DMD: variants seen among roughly 807,000 people sequenced by gnomAD.
DMD encodes the protein mutant dystrophin.
A neutral mutation model predicts 330.1 loss-of-function variants in DMD; 63 were observed. That is an observed-to-expected ratio of 0.19 (90% CI 0.16 to 0.24). The LOEUF is 0.24. Among genes scored for constraint, DMD ranks in the 10% least tolerant of loss-of-function variants. The pLI, the probability that DMD is intolerant of heterozygous loss-of-function variation, is 1.00. For missense variants in DMD, 3,344 were observed against 2,684.1 expected, an observed-to-expected ratio of 1.25 and a Z score of -5.43; for synonymous variants, 1,223 against 959.8, an observed-to-expected ratio of 1.27 and a Z score of -5.07.
intron 27 of DMD, among the ~76,000 whole-genome samples, chrX:32,442,775 C>A (rs767034410): frequency 9.1e-6 from 1 of 110,458 alleles, no homozygotes; most frequent in East Asian, 2.8e-4. Flanking sequence ...GAAAAATATA[C>A]CGTCATCTTT....
intron 13 of DMD, among the ~76,000 whole-genome samples, chrX:32,585,985 G>A (rs752689834): frequency 5.4e-5 from 6 of 110,404 alleles, no homozygotes; most frequent in Admixed American, 3.9e-4. Context: ...TTGAAATCTA[G>A]CGTTAACTGT....
intron 60 of DMD, among the ~76,000 whole-genome samples, chrX:31,392,706 T>C (rs2060735763): frequency 8.9e-6 from 1 of 112,410 alleles, no homozygotes; most frequent in South Asian, 3.7e-4. Context: ...CTGTACGTAA[T>C]AAAGCTCTAA....
At chrX:31,441,885 G>T (rs1363427358) in intron 60 of DMD, among the ~76,000 whole-genome samples, 1 of 112,098 alleles carries the variant, frequency 8.9e-6, no homozygotes, top group Non-Finnish European at 1.9e-5. Flanking sequence ...AGAAAAGAAT[G>T]GAACTAACTT....
At chrX:31,869,404 ATTTT>A (rs34962396) in intron 48 of DMD, among the ~76,000 whole-genome samples, 2 of 83,147 alleles carry the variant, frequency 2.4e-5, no homozygotes, top group Admixed American at 1.4e-4. Flanking sequence ...AAACGACATG[ATTTT>A]TTTTTTTTTT....
At chrX:31,452,488 C>G (rs892773789) in intron 59 of DMD, among the ~76,000 whole-genome samples, 12 of 110,473 alleles carry the variant, frequency 1.1e-4, no homozygotes, top group African/African-American at 4.0e-4. Flanking sequence ...GAGGCTGAGG[C>G]AGGAGAATTG....
chrX:31,717,024 T>C lies in DMD; in HGVS notation c.7660+12607A>G, dbSNP rs757370394. 2.7e-4 allele frequency among the ~76,000 whole-genome samples: 30 copies of C among 111,129 alleles called. No homozygotes were observed. In the South Asian group the frequency reaches 5.0e-3, roughly 19 times the overall value. ...GCTATCTGTGTGATCTTATGCAAAA[T>C]ATTAATATCTTTGATAGTTGGTTCT... On this transcript the variant is annotated intron_variant, in intron 52 of 78. Transcript: ENST00000357033.
chrX:31,454,873 C>T (rs1221808674), intron 59 of DMD, among the ~76,000 whole-genome samples: 1 of 110,407 alleles, frequency 9.1e-6, no homozygotes, highest in African/African-American at 3.3e-5. Flanking sequence ...CTGCTTCAGC[C>T]TCCCAAGTTA....
chrX:32,257,391 G>T (rs756368290), intron 43 of DMD, among the ~76,000 whole-genome samples: 1 of 111,423 alleles, frequency 9.0e-6, no homozygotes, highest in Non-Finnish European at 1.9e-5. Flanking sequence ...AAAGCTGGAG[G>T]CATCATGCTA....
intron 2 of DMD, among the ~76,000 whole-genome samples, chrX:33,003,818 T>C (rs923084671): frequency 7.1e-5 from 8 of 112,490 alleles, no homozygotes; most frequent in African/African-American, 2.6e-4. Flanking sequence ...ATGCACATAT[T>C]ATATAGTGAG....
intron 44 of DMD, among the ~76,000 whole-genome samples, chrX:31,982,180 CT>C (rs201066069): frequency 0.031 from 3,459 of 110,729 alleles, 61 homozygotes; most frequent in Non-Finnish European, 0.048. Flanking sequence ...AAAACCACTT[CT>C]TTTTTTTTCC....
At chrX:31,597,211 A>G (rs1193098417) in intron 55 of DMD, among the ~76,000 whole-genome samples, 1 of 112,185 alleles carries the variant, frequency 8.9e-6, no homozygotes, top group Non-Finnish European at 1.9e-5. Flanking sequence ...AAATAAACAA[A>G]TATATAAATT....
Position 31,204,914 on chromosome X carries a change from G to A in DMD, c.9650-796C>T, listed in dbSNP as rs142487050. ...TGGGATTACAGGTGTGAGCTACTGC[G>A]CCTGGCTGCGTATTTCTAATTAATA... is the stretch of plus-strand genomic sequence containing the variant. On this transcript the variant is annotated intron_variant, in intron 66 of 78. Coordinates refer to ENST00000357033, the MANE Select transcript of DMD (RefSeq NM_004006.3). 3.2e-4 allele frequency among the ~76,000 whole-genome samples: 36 copies of A among 111,856 alleles called. No homozygotes were observed. The East Asian group carries it at 9.5e-3, about 29-fold the overall frequency.
rs766597855 is a variant in DMD at position 32,809,549 on chromosome X, T to C, written c.593A>G (p.His198Arg). The C allele has an allele frequency of 1.7e-6, 2 of 1,211,401 alleles. No homozygotes were observed. Among genetic ancestry groups the C allele is most frequent in the Non-Finnish European group, 2.2e-6 (2 of 895,397 alleles). The change falls in exon 7 of 79, where the codon CAT becomes CGT. Residue 198 changes from histidine to arginine, a missense_variant. His to Arg is a conservative substitution (Grantham distance 29). Coordinates refer to ENST00000357033, the MANE Select transcript of DMD (RefSeq NM_004006.3). ...TTGATATCTGGCGATGTTGAATGCA[T>C]GTTCCAGTCGTTGTGTGGCTGACTG... ...CQQSATQRLE[H>R]AFNIARYQLG...
intron 44 of DMD, among the ~76,000 whole-genome samples, chrX:32,208,740 T>C (rs2097081598): frequency 8.9e-6 from 1 of 112,206 alleles, no homozygotes; most frequent in Non-Finnish European, 1.9e-5. Context: ...TCTGTATTCC[T>C]AGCAGCAAGC....
intron 1 of DMD, among the ~76,000 whole-genome samples, chrX:33,171,305 TCTCTGGTTTG>T (rs2049332163): frequency 9.0e-6 from 1 of 110,670 alleles, no homozygotes; most frequent in South Asian, 3.8e-4. Context: ...TTTGACCACC[TCTCTGGTTTG>T]AAACCTCTGG....
intron 48 of DMD, among the ~76,000 whole-genome samples, chrX:31,874,835 G>T (rs1342700008): frequency 9.0e-6 from 1 of 110,917 alleles, no homozygotes; most frequent in Non-Finnish European, 1.9e-5. Flanking sequence ...GATAACCCTG[G>T]CCTATCTTCA....
chrX:31,203,429 A>G (rs930855388), intron 67 of DMD, among the ~76,000 whole-genome samples: 1 of 110,746 alleles, frequency 9.0e-6, no homozygotes, highest in Non-Finnish European at 1.9e-5. Context: ...ACAGGATAGG[A>G]AAGAGAACGG....
intron 62 of DMD, among the ~76,000 whole-genome samples, chrX:31,300,260 G>A (rs1024486703): frequency 1.8e-5 from 2 of 112,181 alleles, no homozygotes; most frequent in Non-Finnish European, 3.8e-5. Flanking sequence ...GGTGCAACAC[G>A]CATTTTTCAT....
At chrX:32,787,513 C>A (rs2075487304) in intron 7 of DMD, among the ~76,000 whole-genome samples, 1 of 110,611 alleles carries the variant, frequency 9.0e-6, no homozygotes, top group African/African-American at 3.3e-5. Flanking sequence ...GTTCCAAGAC[C>A]TACAGCAGAT....
Sources: allele counts gnomAD v4.1 joint callset (sites outside exome capture counted in the v4.1 genomes callset), GRCh38; gene constraint gnomAD v4.1.1; transcripts MANE v1.5; gene names NCBI Gene and HGNC (gene_info 2026-07-23, HGNC 2026-07-21).